The following DDX27 variants were observed in gnomAD, a reference collection of about 807,000 sequenced individuals.
The protein encoded by DDX27 is probable ATP-dependent RNA helicase DDX27.
Under a neutral mutation model 99.3 loss-of-function variants are expected in DDX27, and 42 were observed. The observed-to-expected ratio is 0.42, with a 90% CI of 0.33 to 0.55. DDX27 has a LOEUF of 0.55. DDX27 is among the 20% of genes least tolerant of loss of function. The probability of loss-of-function intolerance (pLI) is 0.07; values close to 1 mark genes in which losing one functional copy is unlikely to be tolerated. For synonymous variants in DDX27, 329 were observed against 353.8 expected, an observed-to-expected ratio of 0.93 and a Z score of 0.79; for missense variants, 798 against 976.8, an observed-to-expected ratio of 0.82 and a Z score of 2.44.
chr20:49,226,949 G>T (rs965696722), intron 7 of DDX27, among the ~76,000 whole-genome samples: 5 of 126,176 alleles, frequency 4.0e-5, no homozygotes, highest in African/African-American at 1.5e-4. Context: ...TGCAAGCTCC[G>T]CCTCCCGGGT....
At position 49,223,536 on chromosome 20, in the gene DDX27, A is replaced by G. The variant is rs1034776842; in HGVS notation, c.466+103A>G. The G allele has an allele frequency of 5.2e-6, 6 of 1,159,568 alleles. No individual in the cohort carries two copies. In the South Asian group the frequency reaches 9.9e-5, roughly 19 times the overall value. The allele number at this position is 1,159,568 out of a possible 1,614,324, so 71.8% of individuals were successfully genotyped here. On this transcript the variant is annotated intron_variant, in intron 4 of 20. Transcript: ENST00000618172. ...CCACTCTTCTGCACAGTTTATCTTTAAGCTGTTCTGCCTACTACATTGAAC... is the reference window on the plus strand; with the variant it reads ...CCACTCTTCTGCACAGTTTATCTTTGAGCTGTTCTGCCTACTACATTGAAC...
At position 49,242,084 on chromosome 20, in the gene DDX27, C is replaced by G; in HGVS notation, c.1994C>G (p.Ala665Gly). Residue 665 changes from alanine to glycine, a missense_variant and splice_region_variant, in exon 18 of 21, where the codon GCA (alanine) becomes GGA (glycine). This residue lies in a region of DDX27 where 553 missense variants were observed against 727.9 expected (regional missense o/e 0.76). Transcript: ENST00000618172. Reference sequence around the variant, plus strand: ...CTCACACCTCCCCACTCCCCCTAGGCAGAGGAAAGGTCTCAGTTTGAAATC... The same window carrying G: ...CTCACACCTCCCCACTCCCCCTAGGGAGAGGAAAGGTCTCAGTTTGAAATC... ...KDAKKKGEMT[A>G]EERSQFEILK... The G allele has an allele frequency of 1.2e-6, 2 of 1,614,198 alleles. No individual in the cohort carries two copies. The highest frequency in any genetic ancestry group is 1.7e-6 in the Non-Finnish European group (2 of 1,180,024).
chr20:49,236,031 C>T lies in DDX27; in HGVS notation c.1428-119C>T, dbSNP rs1482688333. On this transcript the variant is annotated intron_variant, in intron 12 of 20. Coordinates refer to ENST00000618172, the MANE Select transcript of DDX27 (RefSeq NM_017895.8). The surrounding 1 kb of genome is among the most constrained non-coding windows in gnomAD (Gnocchi z 4.1). Reference sequence around the variant, plus strand: ...GTGCTGGGATTACAGGCGTGAGCCACCGTGCCCAGCCTCTATCCCCATTTT... The same window carrying T: ...GTGCTGGGATTACAGGCGTGAGCCATCGTGCCCAGCCTCTATCCCCATTTT... The T allele has an allele frequency of 1.1e-6, 1 of 941,912 alleles. No homozygotes were observed. The highest frequency in any genetic ancestry group is 2.6e-5 in the East Asian group (1 of 38,124). The allele number at this position is 941,912 out of a possible 1,614,324, so 58.3% of individuals were successfully genotyped here. A position where few individuals can be genotyped will look rare whatever the true frequency, so the allele number is the denominator to read the frequency against.
chr20:49,219,445 C>T lies in DDX27; in HGVS notation c.-4C>T, dbSNP rs1979544172. 1 of 1,614,042 alleles carries T rather than the reference C, an allele frequency of 6.2e-7. No individual in the cohort carries two copies. The highest frequency in any genetic ancestry group is 8.5e-7 in the Non-Finnish European group (1 of 1,180,030). On this transcript the variant is annotated 5_prime_UTR_variant, in exon 1 of 21. Transcript: ENST00000618172. ...TCGCTTCCGGAAGTGGCTTCTGCGACAACATGCTTGCGGACCTCGGCTTAA... is the reference window on the plus strand; with the variant it reads ...TCGCTTCCGGAAGTGGCTTCTGCGATAACATGCTTGCGGACCTCGGCTTAA...
chr20:49,223,116 C>T (rs2273146), intron 3 of DDX27, 100 bp downstream of exon 3: 721,708 of 1,390,020 alleles, frequency 0.52, 191,367 homozygotes, highest in Middle Eastern at 0.59. Context: ...CGGGGCATGG[C>T]TGGGGCAGGC....
chr20:49,229,794 C>T (rs960294752), intron 8 of DDX27, among the ~76,000 whole-genome samples: 10 of 152,022 alleles, frequency 6.6e-5, no homozygotes, highest in African/African-American at 2.4e-4. Flanking sequence ...TATAGGTGTG[C>T]ACCACCATGC....
chr20:49,228,939 G>A, intron 8 of DDX27, 51 bp downstream of exon 8: 6 of 1,486,674 alleles, frequency 4.0e-6, no homozygotes, highest in Non-Finnish European at 5.4e-6. Context: ...TGGTGGGGTG[G>A]AGGATGGATG....
At position 49,236,553 on chromosome 20, in the gene DDX27, C is replaced by G. The variant is rs372293474; in HGVS notation, c.1687+43C>G. 2 of 1,502,320 alleles carry G rather than the reference C, an allele frequency of 1.3e-6. No individual in the cohort carries two copies. The highest frequency in any genetic ancestry group is 8.9e-7 in the Non-Finnish European group (1 of 1,123,016). 93.1% of individuals were successfully genotyped at this position (1,502,320 alleles called of 1,614,324 possible). ...TGGCAGTGCAGAATGGCTCGGTGGG[C>G]GGGGCAAGGACAGAGTGTAATGGCT... On this transcript the variant is annotated intron_variant, in intron 14 of 20. Transcript: ENST00000618172. This position sits in a 1 kb window ranked among gnomAD's most constrained non-coding sequence, Gnocchi z 4.1.
intron 4 of DDX27, 109 bp downstream of exon 4, chr20:49,223,542 T>C (rs1979769911): frequency 9.2e-7 from 1 of 1,090,450 alleles, no homozygotes; most frequent in Admixed American, 2.8e-5. Context: ...CTTTAAGCTG[T>C]TCTGCCTACT....
At chr20:49,229,072 C>G (rs551843288) in intron 8 of DDX27, among the ~76,000 whole-genome samples, 184 bp downstream of exon 8, 2 of 136,558 alleles carry the variant, frequency 1.5e-5, no homozygotes, top group East Asian at 2.1e-4. Context: ...GAGTCTCGCT[C>G]TGTCGCCCAG....
Position 49,236,036 on chromosome 20 carries a change from C to T in DDX27, c.1428-114C>T, listed in dbSNP as rs1980294793. On this transcript the variant is annotated intron_variant, in intron 12 of 20. Coordinates refer to ENST00000618172, the MANE Select transcript of DDX27 (RefSeq NM_017895.8). This position sits in a 1 kb window ranked among gnomAD's most constrained non-coding sequence, Gnocchi z 4.1. ...GGGATTACAGGCGTGAGCCACCGTG[C>T]CCAGCCTCTATCCCCATTTTAATGC... 13 of 1,022,684 alleles carry T rather than the reference C, an allele frequency of 1.3e-5. No individual in the cohort carries two copies. The highest frequency in any genetic ancestry group is 1.9e-5 in the Non-Finnish European group (13 of 700,474). 63.4% of individuals were successfully genotyped at this position (1,022,684 alleles called of 1,614,324 possible). A position where few individuals can be genotyped will look rare whatever the true frequency, so the allele number is the denominator to read the frequency against.
intron 20 of DDX27, 52 bp from the exon 21 acceptor site, chr20:49,243,764 G>C: frequency 1.2e-6 from 2 of 1,614,040 alleles, no homozygotes; most frequent in Non-Finnish European, 1.7e-6. Context: ...ACCTTTCATG[G>C]AAAAGAAGCT....
chr20:49,235,265 C>T lies in DDX27; in HGVS notation c.1427+177C>T, dbSNP rs148970263. ...GGTCATGTCTTAGATGTGTTTAGAA[C>T]TCTAACTTCATAGTCAGAGATGACC... On this transcript the variant is annotated intron_variant, in intron 12 of 20. Coordinates refer to ENST00000618172, the MANE Select transcript of DDX27 (RefSeq NM_017895.8). 5,658 of 613,178 alleles carry T rather than the reference C, an allele frequency of 9.2e-3. 46 individuals carry two copies. The highest frequency in any genetic ancestry group is 0.013 in the Non-Finnish European group (4,969 of 395,374). The allele number at this position is 613,178 out of a possible 1,614,324, so 38.0% of individuals were successfully genotyped here. A position where few individuals can be genotyped will look rare whatever the true frequency, so the allele number is the denominator to read the frequency against.
At position 49,225,141 on chromosome 20, in the gene DDX27, C is replaced by G. The variant is rs766621116; in HGVS notation, c.542C>G (p.Ser181Cys). 3 of 1,614,006 alleles carry G rather than the reference C, an allele frequency of 1.9e-6. No individual in the cohort carries two copies. The highest frequency in any genetic ancestry group is 3.3e-5 in the Admixed American group (2 of 59,980). ...QEAGGFFEDA[S>C]QYDENLSFQD... ...GCAGGAGGATTTTTTGAAGATGCATCTCAGTACGATGAAAACCTCTCGTTC... is the reference window on the plus strand; with the variant it reads ...GCAGGAGGATTTTTTGAAGATGCATGTCAGTACGATGAAAACCTCTCGTTC... Residue 181 changes from serine to cysteine, a missense_variant, in exon 6 of 21, where the codon TCT becomes TGT. Coordinates refer to ENST00000618172, the MANE Select transcript of DDX27 (RefSeq NM_017895.8).
In DDX27 at chr20:49,243,681, G is replaced by A. The variant is rs746203712; in HGVS notation, c.2257G>A (p.Gly753Arg). ...QLGLPHQRRG[G>R]NFKSKSRYKR... ...GGGCTTGCCCCACCAGAGACGAGGA[G>A]GAAACTTTAAATCTAAATCCAGGTG... is the stretch of plus-strand genomic sequence containing the variant. The change falls in exon 20 of 21, where the codon GGA becomes AGA. Residue 753 changes from glycine to arginine, a missense_variant. Coordinates refer to ENST00000618172, the MANE Select transcript of DDX27 (RefSeq NM_017895.8). 1.2e-6 allele frequency: 2 copies of A among 1,614,190 alleles called. No individual in the cohort carries two copies. Among genetic ancestry groups the A allele is most frequent in the Non-Finnish European group, 1.7e-6 (2 of 1,180,036 alleles).
At chr20:49,238,828 T>A in intron 14 of DDX27, 121 bp from the exon 15 acceptor site, 1 of 451,750 alleles carries the variant, frequency 2.2e-6, no homozygotes, top group Non-Finnish European at 3.9e-6. Flanking sequence ...CAGGCTGGCC[T>A]CAAATTCCTG....
rs1408749975 is a variant in DDX27, at chr20:49,236,847, C to A, written c.1687+337C>A. On this transcript the variant is annotated intron_variant, in intron 14 of 20. Coordinates refer to ENST00000618172, the MANE Select transcript of DDX27 (RefSeq NM_017895.8). The surrounding 1 kb of genome is among the most constrained non-coding windows in gnomAD (Gnocchi z 4.1). ...GATCAGTACTCATTCTTTTTGGGTC[C>A]TTTCATTGATTTTGTTCCTCTGATC... Among the ~76,000 whole-genome samples the A allele has an allele frequency of 6.6e-6, 1 of 152,030 alleles. No homozygotes were observed. The highest frequency in any genetic ancestry group is 1.5e-5 in the Non-Finnish European group (1 of 67,998).
At chr20:49,237,378 A>T (rs1053865145) in intron 14 of DDX27, among the ~76,000 whole-genome samples, 5 of 8,054 alleles carry the variant, frequency 6.2e-4, no homozygotes, top group South Asian at 2.6e-3. Flanking sequence ...TTAGTAAATA[A>T]AAAAAAATGT....
At chr20:49,228,592 C>A in intron 7 of DDX27, 123 bp from the exon 8 acceptor site, 3 of 1,023,648 alleles carry the variant, frequency 2.9e-6, no homozygotes, top group South Asian at 1.7e-5. Flanking sequence ...AAAAAATATT[C>A]TATGAAAAAT....
Sources: allele counts gnomAD v4.1 joint callset (sites outside exome capture counted in the v4.1 genomes callset), GRCh38; gene constraint gnomAD v4.1.1; regional missense constraint gnomAD v4.1.1; non-coding constraint Gnocchi (gnomAD v3.1); transcripts MANE v1.5; gene names NCBI Gene and HGNC (gene_info 2026-07-23, HGNC 2026-07-21).